The following KLRG1 variants were observed in gnomAD, a reference collection of about 807,000 sequenced individuals.
The protein encoded by KLRG1 is killer cell lectin like receptor G1.
In KLRG1, 16 loss-of-function variants were observed where a neutral mutation model predicts 21.8. That is an observed-to-expected ratio of 0.73 (90% CI 0.50 to 1.11). KLRG1 has a LOEUF of 1.11. Among genes scored for constraint, KLRG1 ranks in the 50% most tolerant of loss-of-function variants. The pLI is 0.00. For missense variants in KLRG1, 173 were observed against 218.3 expected (o/e 0.79, Z 1.31); for synonymous variants, 69 against 75.9 (o/e 0.91, Z 0.47).
chr12:9,143,894 T>A, the KLRG1 span, among the ~76,000 whole-genome samples: 1 of 152,174 alleles, frequency 6.6e-6, no homozygotes, highest in Non-Finnish European at 1.5e-5. Flanking sequence ...GGTGTCTGTT[T>A]TTGTTGTAGG....
chr12:9,183,016 C>T, the KLRG1 span, among the ~76,000 whole-genome samples: 1 of 152,254 alleles, frequency 6.6e-6, no homozygotes, highest in Non-Finnish European at 1.5e-5. Context: ...TTAGACAATA[C>T]ATAGGATAAC....
In KLRG1 at chr12:8,991,162, TCTTA is replaced by T. The variant is rs1396220604; in HGVS notation, c.83-1040_83-1037del. Among the ~76,000 whole-genome samples, 30 of 152,154 alleles carry T rather than the reference TCTTA, an allele frequency of 2.0e-4. 1 individual carries two copies. Among genetic ancestry groups the T allele is most frequent in the Admixed American group, 2.6e-4 (4 of 15,278 alleles). ...AATCAAAATTAGAAGTTAAATATCA[TCTTA>T]CTTCACAGAGTTTTGCTCGTTACAC... On this transcript the variant is annotated intron_variant, in intron 1 of 4. Transcript: ENST00000356986.
chr12:9,020,642 CAATT>C, the KLRG1 span, among the ~76,000 whole-genome samples: 2 of 152,222 alleles, frequency 1.3e-5, no homozygotes, highest in East Asian at 3.9e-4. Flanking sequence ...GGATTTACCG[CAATT>C]AATTTATCCA....
chr12:9,138,611 G>A, the KLRG1 span, among the ~76,000 whole-genome samples: 3 of 152,032 alleles, frequency 2.0e-5, 1 homozygote, highest in Middle Eastern at 0.01. Context: ...GAATCTACCT[G>A]TGAAGCTATC....
the KLRG1 span, among the ~76,000 whole-genome samples, chr12:9,138,635 T>C: frequency 3.3e-5 from 5 of 152,156 alleles, no homozygotes; most frequent in African/African-American, 1.2e-4. Context: ...TCCTGGGTTT[T>C]TATTTGTTAG....
At chr12:9,189,743 C>T in the KLRG1 span, among the ~76,000 whole-genome samples, 1 of 152,228 alleles carries the variant, frequency 6.6e-6, no homozygotes, top group East Asian at 1.9e-4. Flanking sequence ...ATCTATGCAT[C>T]CAATAAAGGT....
At chr12:9,142,659 G>T in the KLRG1 span, among the ~76,000 whole-genome samples, 2 of 152,132 alleles carry the variant, frequency 1.3e-5, no homozygotes, top group Non-Finnish European at 2.9e-5. Flanking sequence ...ACAACCAGAA[G>T]AAAATCCAGT....
the KLRG1 span, chr12:9,181,847 A>G: frequency 7.2e-5 from 75 of 1,041,568 alleles, no homozygotes; most frequent in Non-Finnish European, 9.4e-5. Context: ...TGGGTCTGCC[A>G]TAAACTTGTT....
Position 9,010,179 on chromosome 12 carries a change from C to T in KLRG1, c.*642C>T. 2 of 488,800 alleles carry T rather than the reference C, an allele frequency of 4.1e-6. No homozygotes were observed. The highest frequency in any genetic ancestry group is 7.1e-6 in the Non-Finnish European group (2 of 283,566). The allele number at this position is 488,800 out of a possible 1,614,324, so 30.3% of individuals were successfully genotyped here. On this transcript the variant is annotated 3_prime_UTR_variant, in exon 5 of 5. Transcript: ENST00000356986. ...CCAGCCTGGGAGATAGAGCAAGACT[C>T]CATCTCTAAAAAAAAAAAAAAATGC...
intron 3 of KLRG1, among the ~76,000 whole-genome samples, chr12:9,008,072 C>A (rs999665315): frequency 2.0e-5 from 3 of 152,128 alleles, no homozygotes; most frequent in Non-Finnish European, 2.9e-5. Context: ...AGTGGTGTAG[C>A]CAATTTACCT....
the KLRG1 span, chr12:9,165,199 A>T: frequency 1.9e-6 from 3 of 1,614,182 alleles, no homozygotes; most frequent in Non-Finnish European, 2.5e-6. Flanking sequence ...CCTCTCCACG[A>T]ATCACAGAGT....
the KLRG1 span, among the ~76,000 whole-genome samples, chr12:9,156,572 G>A: frequency 6.6e-6 from 1 of 152,212 alleles, no homozygotes; most frequent in Non-Finnish European, 1.5e-5. Flanking sequence ...TTTCATTCAA[G>A]TAAGTAGAGA....
the KLRG1 span, among the ~76,000 whole-genome samples, chr12:9,130,779 A>T: frequency 4.0e-5 from 6 of 150,728 alleles, no homozygotes; most frequent in East Asian, 1.2e-3. Context: ...GTGTCCTTTG[A>T]TGCACAAATG....
At chr12:9,211,221 G>A in the KLRG1 span, among the ~76,000 whole-genome samples, 3 of 151,700 alleles carry the variant, frequency 2.0e-5, no homozygotes, top group South Asian at 6.2e-4. Flanking sequence ...CTCCTTCTAG[G>A]ACTCCCATAA....
chr12:9,168,860 C>T, the KLRG1 span: 1 of 1,589,332 alleles, frequency 6.3e-7, no homozygotes, highest in Non-Finnish European at 8.6e-7. Flanking sequence ...AAGCAAATTG[C>T]TGTTTTACCT....
At chr12:9,144,996 C>T in the KLRG1 span, among the ~76,000 whole-genome samples, 1 of 152,236 alleles carries the variant, frequency 6.6e-6, no homozygotes. Context: ...CTGTCACCTA[C>T]TCTCTTGTGA....
the KLRG1 span, chr12:9,197,230 A>G: frequency 8.5e-6 from 6 of 709,738 alleles, no homozygotes; most frequent in Non-Finnish European, 1.2e-5. Context: ...CATCTTTATC[A>G]TCTGGGTGCC....
the KLRG1 span, among the ~76,000 whole-genome samples, chr12:9,194,947 T>C: frequency 2.0e-5 from 3 of 152,172 alleles, no homozygotes; most frequent in Admixed American, 2.0e-4. Flanking sequence ...GTTTTCCACC[T>C]TCATTAAAAG....
intron 1 of KLRG1, among the ~76,000 whole-genome samples, chr12:8,953,112 A>G (rs1320871821): frequency 1.3e-5 from 2 of 149,642 alleles, no homozygotes; most frequent in African/African-American, 2.5e-5. Context: ...TTGTATCTGC[A>G]TTCGGTGGTT....
Sources: gnomAD v4.1 joint callset for allele counts (sites outside exome capture counted in the v4.1 genomes callset) on GRCh38, gnomAD v4.1.1 for gene constraint, MANE v1.5 for transcripts, NCBI Gene and HGNC (gene_info 2026-07-23, HGNC 2026-07-21) for gene names.